Variants in SRSF12 observed in about 807,000 individuals in gnomAD.
SRSF12 encodes serine/arginine-rich splicing factor 12.
In SRSF12, 21 loss-of-function variants were observed where a neutral mutation model predicts 34.1. That is an observed-to-expected ratio of 0.62 (90% CI 0.44 to 0.89). The LOEUF (loss-of-function observed/expected upper bound fraction) is 0.89, where lower values mean the gene tolerates loss of function less well. SRSF12 is among the 40% of genes least tolerant of loss of function. The pLI is 0.00. For missense variants in SRSF12, 278 were observed against 327.8 expected, an observed-to-expected ratio of 0.85 and a Z score of 1.17; for synonymous variants, 111 against 110.8, an observed-to-expected ratio of 1.00 and a Z score of -0.01.
At chr6:89,107,911 T>TTA (rs1768872494) in intron 1 of SRSF12, among the ~76,000 whole-genome samples, 1 of 152,322 alleles carries the variant, frequency 6.6e-6, no homozygotes, top group South Asian at 2.1e-4. Flanking sequence ...CCTCTGAAAG[T>TTA]TATTATAAGA....
At chr6:89,114,231 C>G (rs915062044) in intron 1 of SRSF12, among the ~76,000 whole-genome samples, 2 of 152,148 alleles carry the variant, frequency 1.3e-5, no homozygotes, top group Non-Finnish European at 2.9e-5. Context: ...AGTTCGAGAC[C>G]AGCCTGGCCA....
At chr6:89,105,618 G>A in intron 2 of SRSF12, 88 bp from the exon 3 acceptor site, 2 of 936,950 alleles carry the variant, frequency 2.1e-6, no homozygotes, top group East Asian at 2.8e-5. Context: ...GAAATTAATA[G>A]GAAAATCAAG....
At chr6:89,100,138 C>T (rs778773175) in intron 4 of SRSF12, among the ~76,000 whole-genome samples, 82 of 152,144 alleles carry the variant, frequency 5.4e-4, no homozygotes, top group Non-Finnish European at 9.3e-4. Flanking sequence ...ACAAATTATC[C>T]TTAAATCACT....
intron 3 of SRSF12, 54 bp downstream of exon 3, chr6:89,105,373 T>C (rs1768736747): frequency 1.3e-6 from 2 of 1,563,764 alleles, no homozygotes; most frequent in African/African-American, 1.4e-5. Context: ...AAATCAGTCA[T>C]CACTGAAACT....
intron 1 of SRSF12, among the ~76,000 whole-genome samples, chr6:89,114,881 C>T (rs1268989905): frequency 6.6e-6 from 1 of 151,692 alleles, no homozygotes; most frequent in African/African-American, 2.4e-5. Context: ...ACTGCAACCT[C>T]CACCTCCCGG....
chr6:89,102,557 A>C (rs944023382), intron 4 of SRSF12, among the ~76,000 whole-genome samples: 1 of 152,192 alleles, frequency 6.6e-6, no homozygotes, highest in Non-Finnish European at 1.5e-5. Flanking sequence ...GTAGGAAGCA[A>C]AATGAAGAAA....
chr6:89,106,313 A>G (rs1768784485), intron 2 of SRSF12, among the ~76,000 whole-genome samples: 1 of 152,038 alleles, frequency 6.6e-6, no homozygotes, highest in African/African-American at 2.4e-5. Flanking sequence ...GGGTTTCACC[A>G]TGTTGGTCAG....
intron 4 of SRSF12, 124 bp downstream of exon 4, chr6:89,104,995 A>T: frequency 1.1e-6 from 1 of 939,852 alleles, no homozygotes; most frequent in Non-Finnish European, 1.5e-6. Flanking sequence ...GGTCAAGTCT[A>T]CAGTGGGCCA....
chr6:89,109,763 CA>C (rs534988886), intron 1 of SRSF12, among the ~76,000 whole-genome samples: 62 of 152,258 alleles, frequency 4.1e-4, no homozygotes, highest in African/African-American at 1.4e-3. Context: ...CAAAAAAGTA[CA>C]GAGAATAATA....
intron 2 of SRSF12, 49 bp downstream of exon 2, chr6:89,107,105 A>T (rs772417135): frequency 7.3e-7 from 1 of 1,378,694 alleles, no homozygotes; most frequent in Non-Finnish European, 1.0e-6. Context: ...TATATGTATA[A>T]GCACGCATAT....
chr6:89,103,991 C>CTTTTTTTTTTTTTTTTTTTT (rs55760020), intron 4 of SRSF12, among the ~76,000 whole-genome samples: 1 of 81,950 alleles, frequency 1.2e-5, no homozygotes, highest in Non-Finnish European at 2.3e-5. Context: ...TATTATATTT[C>CTTTTTTTTTTTTTTTTTTTT]TTTTTTTTTT....
intron 4 of SRSF12, among the ~76,000 whole-genome samples, chr6:89,099,506 A>ATATATATATGTGTG (rs1768435880): frequency 8.8e-5 from 5 of 56,520 alleles, no homozygotes; most frequent in Non-Finnish European, 1.3e-4. Flanking sequence ...ATATGTGTGT[A>ATATATATATGTGTG]TATATATATA....
chr6:89,100,044 G>T (rs1419443026), intron 4 of SRSF12, among the ~76,000 whole-genome samples: 3 of 152,088 alleles, frequency 2.0e-5, no homozygotes, highest in Non-Finnish European at 4.4e-5. Flanking sequence ...TTAATTCAGG[G>T]CTACCAAAAT....
intron 1 of SRSF12, among the ~76,000 whole-genome samples, chr6:89,108,728 T>G (rs1201996895): frequency 2.0e-5 from 3 of 152,142 alleles, no homozygotes; most frequent in Non-Finnish European, 2.9e-5. Flanking sequence ...AATGCAGTAT[T>G]TGAGGTGATG....
At chr6:89,101,109 C>CAAAAAAAAAAAAA (rs764910655) in intron 4 of SRSF12, among the ~76,000 whole-genome samples, 2 of 54,636 alleles carry the variant, frequency 3.7e-5, no homozygotes, top group Non-Finnish European at 4.7e-5. Flanking sequence ...ACCTCCAAGA[C>CAAAAAAAAAAAAA]AAAAAAAAAA....
chr6:89,107,031 A>C (rs751353135), intron 2 of SRSF12, 123 bp downstream of exon 2: 16 of 1,024,608 alleles, frequency 1.6e-5, no homozygotes, highest in Non-Finnish European at 2.1e-5. Context: ...AGATCTTCTG[A>C]GATAAAGAAA....
At chr6:89,100,694 T>A (rs1268138191) in intron 4 of SRSF12, among the ~76,000 whole-genome samples, 1 of 152,156 alleles carries the variant, frequency 6.6e-6, no homozygotes, top group Non-Finnish European at 1.5e-5. Context: ...AAAAGATCGT[T>A]CAGTGGAAAA....
At chr6:89,106,691 C>T (rs1447768480) in intron 2 of SRSF12, 1 of 200,200 alleles carries the variant, frequency 5.0e-6, no homozygotes, top group Non-Finnish European at 1.1e-5. Context: ...CTCAATGTCA[C>T]TTGATCTTGA....
At chr6:89,098,979 T>C in intron 4 of SRSF12, 32 bp from the exon 5 acceptor site, 2 of 1,568,958 alleles carry the variant, frequency 1.3e-6, no homozygotes, top group Non-Finnish European at 1.7e-6. Context: ...GAGCATATAT[T>C]TCACACAAAA....
Sources: allele counts gnomAD v4.1 joint callset (sites outside exome capture counted in the v4.1 genomes callset), GRCh38; gene constraint gnomAD v4.1.1; transcripts MANE v1.5; gene names NCBI Gene and HGNC (gene_info 2026-07-23, HGNC 2026-07-21).